Variants in ZSWIM6 observed in about 807,000 individuals in gnomAD.
ZSWIM6 encodes the protein zinc finger SWIM-type containing 6, also known as zinc finger SWIM domain-containing protein 6.
ZSWIM6 carries 9 observed loss-of-function variants against 113.2 expected under a neutral mutation model. That is an observed-to-expected ratio of 0.08 (90% confidence interval 0.05 to 0.14). The LOEUF (loss-of-function observed/expected upper bound fraction) is 0.14, where lower values mean the gene tolerates loss of function less well. Ranked by LOEUF, ZSWIM6 falls within the 10% of genes least tolerant of loss-of-function variation. The pLI is 1.00. For missense variants in ZSWIM6, 1,162 were observed against 1,552.2 expected (o/e 0.75, Z 4.22); for synonymous variants, 611 against 606.5 (o/e 1.01, Z -0.11).
Position 61,389,331 on chromosome 5 carries a change from G to A in ZSWIM6, c.676+56383G>A, listed in dbSNP as rs558509659. Among the ~76,000 whole-genome samples the A allele has an allele frequency of 9.2e-5, 14 of 152,018 alleles. No homozygotes were observed. The South Asian group carries it at 2.1e-3, about 23-fold the overall frequency. On this transcript the variant is annotated intron_variant, in intron 1 of 13. Transcript: ENST00000252744. ...AGCACTTTGGGAGGCTGAGGCAGGC[G>A]GATCACGAGGTCAGGAGTTCGAGAC...
At chr5:61,509,774 A>G (rs1431947909) in intron 4 of ZSWIM6, among the ~76,000 whole-genome samples, 2 of 152,180 alleles carry the variant, frequency 1.3e-5, no homozygotes, top group African/African-American at 4.8e-5. Flanking sequence ...AGAACTCATC[A>G]TTACAAGTTG....
At chr5:61,467,391 T>A (rs1215564951) in intron 1 of ZSWIM6, among the ~76,000 whole-genome samples, 7 of 152,224 alleles carry the variant, frequency 4.6e-5, no homozygotes, top group Admixed American at 3.9e-4. Flanking sequence ...AGAGCTGGAC[T>A]TTGCTGTCTG....
At chr5:61,388,342 G>A (rs1745633268) in intron 1 of ZSWIM6, among the ~76,000 whole-genome samples, 1 of 152,042 alleles carries the variant, frequency 6.6e-6, no homozygotes. Flanking sequence ...GAACTGTAAG[G>A]CAAAGCACTT....
At chr5:61,396,762 T>A (rs1419373569) in intron 1 of ZSWIM6, among the ~76,000 whole-genome samples, 3 of 152,296 alleles carry the variant, frequency 2.0e-5, no homozygotes, top group Non-Finnish European at 2.9e-5. Flanking sequence ...TAAAATTAAG[T>A]TTTTGGTTAA....
chr5:61,378,738 G>A (rs962983644), intron 1 of ZSWIM6, among the ~76,000 whole-genome samples: 1 of 151,882 alleles, frequency 6.6e-6, no homozygotes, highest in African/African-American at 2.4e-5. Flanking sequence ...TATTTTTTTA[G>A]TAGAGATGGG....
At chr5:61,333,289 A>G (rs1014598737) in intron 1 of ZSWIM6, among the ~76,000 whole-genome samples, 1 of 151,446 alleles carries the variant, frequency 6.6e-6, no homozygotes, top group Non-Finnish European at 1.5e-5. Context: ...GGATGTGGAC[A>G]AAGGCGCGGG....
intron 4 of ZSWIM6, among the ~76,000 whole-genome samples, chr5:61,504,957 A>G (rs7702808): frequency 0.015 from 2,271 of 152,268 alleles, 64 homozygotes; most frequent in African/African-American, 0.052. Flanking sequence ...TAAGACAACT[A>G]TAGAAACAAG....
At chr5:61,541,038 G>A (rs556727971) in intron 12 of ZSWIM6, among the ~76,000 whole-genome samples, 113 of 151,120 alleles carry the variant, frequency 7.5e-4, no homozygotes, top group Non-Finnish European at 1.5e-3. Context: ...CTGCCTCCTG[G>A]GTTCAAGCAA....
chr5:61,392,373 A>G (rs76049161), intron 1 of ZSWIM6, among the ~76,000 whole-genome samples: 1 of 152,138 alleles, frequency 6.6e-6, no homozygotes, highest in Non-Finnish European at 1.5e-5. Flanking sequence ...GTCTTTAAAA[A>G]TTTTTTTAAA....
intron 1 of ZSWIM6, among the ~76,000 whole-genome samples, chr5:61,418,354 G>A (rs112785197): frequency 6.6e-6 from 1 of 151,624 alleles, no homozygotes; most frequent in Non-Finnish European, 1.5e-5. Flanking sequence ...TGCAACCTCC[G>A]CTTCCCGGGT....
At chr5:61,471,928 T>TTG (rs111311363) in intron 1 of ZSWIM6, among the ~76,000 whole-genome samples, 35,363 of 150,066 alleles carry the variant, frequency 0.24, 4,188 homozygotes, top group Non-Finnish European at 0.26. Context: ...TACCGTGTAT[T>TTG]TGTGTGTGTG....
chr5:61,389,049 A>G (rs1745647098), intron 1 of ZSWIM6, among the ~76,000 whole-genome samples: 2 of 152,186 alleles, frequency 1.3e-5, no homozygotes, highest in African/African-American at 4.8e-5. Flanking sequence ...GGGAGAAGAA[A>G]TGAGAGAAGA....
chr5:61,385,479 C>A (rs183316101), intron 1 of ZSWIM6, among the ~76,000 whole-genome samples: 158 of 152,282 alleles, frequency 1.0e-3, no homozygotes, highest in African/African-American at 3.6e-3. Flanking sequence ...TGTAGTTAGA[C>A]CTGAGTTTAG....
intron 4 of ZSWIM6, among the ~76,000 whole-genome samples, chr5:61,500,604 T>G (rs1748439942): frequency 6.6e-6 from 1 of 152,140 alleles, no homozygotes; most frequent in Non-Finnish European, 1.5e-5. Flanking sequence ...GCTTACCTAG[T>G]CTAGTCGCTA....
In ZSWIM6 at chr5:61,526,327, A is replaced by G. The variant is rs1749281910; in HGVS notation, c.1768A>G (p.Ile590Val). ...GYPREALRLA[I>V]AIVNTLRRQQ... Reference sequence around the variant, plus strand: ...CCCCAGAGAAGCACTGAGACTAGCAATAGCTATTGTTAATACATTAAGACG... The same window carrying G: ...CCCCAGAGAAGCACTGAGACTAGCAGTAGCTATTGTTAATACATTAAGACG... Residue 590 changes from isoleucine to valine, a missense_variant, in exon 7 of 14, where the codon ATA becomes GTA. Around this residue, in one of 4 missense-constraint regions of ZSWIM6, gnomAD observed 620 missense variants for 804.6 expected, o/e 0.77. Coordinates refer to ENST00000252744, the MANE Select transcript of ZSWIM6 (RefSeq NM_020928.2). 1.9e-6 allele frequency: 3 copies of G among 1,552,198 alleles called. No homozygotes were observed. Among genetic ancestry groups the G allele is most frequent in the Non-Finnish European group, 2.6e-6 (3 of 1,147,070 alleles).
intron 1 of ZSWIM6, among the ~76,000 whole-genome samples, chr5:61,403,240 A>C (rs866339921): frequency 1.6e-4 from 25 of 152,342 alleles, no homozygotes; most frequent in Admixed American, 3.3e-4. Context: ...AAAATCCTCC[A>C]GTTGAGGCAG....
intron 1 of ZSWIM6, among the ~76,000 whole-genome samples, chr5:61,446,247 T>C (rs1746951951): frequency 6.6e-6 from 1 of 152,154 alleles, no homozygotes; most frequent in Non-Finnish European, 1.5e-5. Context: ...ATGGCCTCAA[T>C]CTCCTGACCT....
intron 1 of ZSWIM6, among the ~76,000 whole-genome samples, chr5:61,354,691 A>G (rs759708672): frequency 3.2e-4 from 48 of 152,062 alleles, no homozygotes; most frequent in Non-Finnish European, 6.2e-4. Context: ...ATCCCCCTGC[A>G]TTTCTTTAGG....
At chr5:61,395,598 A>G (rs1745821065) in intron 1 of ZSWIM6, among the ~76,000 whole-genome samples, 1 of 152,070 alleles carries the variant, frequency 6.6e-6, no homozygotes, top group African/African-American at 2.4e-5. Flanking sequence ...TGAGTTTAAA[A>G]CAAAATGGAT....
Sources: allele counts gnomAD v4.1 joint callset (sites outside exome capture counted in the v4.1 genomes callset), GRCh38; gene constraint gnomAD v4.1.1; regional missense constraint gnomAD v4.1.1; transcripts MANE v1.5; gene names NCBI Gene and HGNC (gene_info 2026-07-23, HGNC 2026-07-21).